Variants in DNAH3 observed in about 807,000 individuals in gnomAD.
DNAH3 encodes dynein axonemal heavy chain 3.
DNAH3 carries 332 observed loss-of-function variants against 432.5 expected under a neutral mutation model. The observed-to-expected ratio is 0.77, with a 90% CI of 0.70 to 0.84. The LOEUF is 0.84. Among genes scored for constraint, DNAH3 ranks in the 40% least tolerant of loss-of-function variants. The probability of loss-of-function intolerance (pLI) is 0.00; values close to 1 mark genes in which losing one functional copy is unlikely to be tolerated. For synonymous variants in DNAH3, 1,956 were observed against 1,900.2 expected (o/e 1.03, Z -0.76); for missense variants, 4,861 against 5,114.0 (o/e 0.95, Z 1.51).
exon 35 of DNAH3, chr16:21,036,729 T>C: frequency 6.2e-7 from 1 of 1,614,062 alleles, no homozygotes; most frequent in Non-Finnish European, 8.5e-7. Flanking sequence ...TAATTTTCCC[T>C]ATAAACCAAG....
At chr16:20,980,849 G>A (rs2085864026) in intron 49 of DNAH3, among the ~76,000 whole-genome samples, 1 of 152,102 alleles carries the variant, frequency 6.6e-6, no homozygotes, top group Non-Finnish European at 1.5e-5. Context: ...AACCTTTTCT[G>A]GAAAGGGTCA....
chr16:21,080,055 G>A (rs1243626485), intron 20 of DNAH3, among the ~76,000 whole-genome samples: 1 of 152,206 alleles, frequency 6.6e-6, no homozygotes, highest in Admixed American at 6.5e-5. Flanking sequence ...CCAGCACTTT[G>A]GGAGGCCGAG....
chr16:21,076,748 C>A (rs1324914396), intron 20 of DNAH3, among the ~76,000 whole-genome samples: 1 of 152,046 alleles, frequency 6.6e-6, no homozygotes, highest in East Asian at 1.9e-4. Flanking sequence ...ATAAAACTTA[C>A]CATTGTGCTA....
At chr16:20,960,976 C>T (rs1403560536) in intron 53 of DNAH3, among the ~76,000 whole-genome samples, 2 of 152,118 alleles carry the variant, frequency 1.3e-5, no homozygotes, top group African/African-American at 2.4e-5. Context: ...ACTGTTTGCA[C>T]ATGCAAAGTT....
At position 21,097,473 on chromosome 16, in the gene DNAH3, CA is replaced by C; in HGVS notation, c.2546del (p.Leu849TrpfsTer15). On this transcript the variant is annotated frameshift_variant, in exon 18 of 62. Transcript: ENST00000261383. LOFTEE classifies it high-confidence loss of function. ...GAGGGTAAGTACTCTTCTCCTTTTC[CA>C]ATAGCTCTTCCTCCTTATTGATCAA... The C allele has an allele frequency of 6.2e-7, 1 of 1,613,784 alleles. No individual in the cohort carries two copies. Among genetic ancestry groups the C allele is most frequent in the Non-Finnish European group, 8.5e-7 (1 of 1,179,900 alleles).
rs145116590 is a variant in DNAH3, at chr16:21,157,915, TG to T, written c.117+1409del. Among the ~76,000 whole-genome samples, 112 of 146,542 alleles carry T rather than the reference TG, an allele frequency of 7.6e-4. 1 individual carries two copies. Among genetic ancestry groups the T allele is most frequent in the Admixed American group, 1.4e-3 (21 of 14,698 alleles). ...CAATATTTTGAGACACAACTGGAGGTGGGGGGGGGCGGTTCTTGTAACTGGC... is the reference window on the plus strand; with the variant it reads ...CAATATTTTGAGACACAACTGGAGGTGGGGGGGGCGGTTCTTGTAACTGGC... On this transcript the variant is annotated intron_variant, in intron 1 of 61. Coordinates refer to ENST00000261383, the Ensembl canonical transcript of DNAH3.
At position 21,037,820 on chromosome 16, in the gene DNAH3, G is replaced by A. The variant is rs140821281; in HGVS notation, c.4891C>T (p.Arg1631Trp). The change falls in exon 34 of 62, where the codon CGG becomes TGG. Residue 1631 changes from arginine (R) to tryptophan (W), a missense_variant. Coordinates refer to ENST00000261383, the Ensembl canonical transcript of DNAH3. Reference sequence around the variant, plus strand: ...GCCAGATTGACATCAAGCAATGCCCGGAGCAGCAGGACACTTTCATTCTCC... The same window carrying A: ...GCCAGATTGACATCAAGCAATGCCCAGAGCAGCAGGACACTTTCATTCTCC... 509 of 1,614,036 alleles carry A rather than the reference G, an allele frequency of 3.2e-4. 3 individuals are homozygous for A. The highest frequency in any genetic ancestry group is 1.9e-3 in the South Asian group (172 of 91,088).
chr16:20,956,350 C>G (rs2084565859), intron 54 of DNAH3, among the ~76,000 whole-genome samples: 1 of 152,176 alleles, frequency 6.6e-6, no homozygotes, highest in African/African-American at 2.4e-5. Flanking sequence ...TAAACAGTGA[C>G]CGCTCTCCTT....
chr16:20,951,649 C>T (rs767695631), intron 56 of DNAH3, among the ~76,000 whole-genome samples: 13 of 151,194 alleles, frequency 8.6e-5, no homozygotes, highest in South Asian at 2.1e-4. Flanking sequence ...TTGCCCCAGC[C>T]GGTCTTAAAC....
At position 21,086,926 on chromosome 16, in the gene DNAH3, T is replaced by A. The variant is rs781521882; in HGVS notation, c.2800A>T (p.Ile934Phe). The change falls in exon 19 of 62, where the codon ATC (isoleucine) becomes TTC (phenylalanine). Residue 934 changes from isoleucine to phenylalanine, a missense_variant. Coordinates refer to ENST00000261383, the Ensembl canonical transcript of DNAH3. ...GGAATGTACTGCTTGAACTTATCGA[T>A]CTTGATCTTCACATTCTCTGCTAAG... The A allele has an allele frequency of 4.3e-6, 7 of 1,614,200 alleles. No individual in the cohort carries two copies. The East Asian group carries it at 1.1e-4, about 26-fold the overall frequency.
At chr16:21,127,567 A>C (rs1006667166) in intron 8 of DNAH3, 120 bp downstream of exon 9, 1 of 1,283,432 alleles carries the variant, frequency 7.8e-7, no homozygotes, top group African/African-American at 1.5e-5. Flanking sequence ...TCTCAAAAAA[A>C]AAAAAGACAC....
At chr16:21,084,567 T>C (rs1195621855) in intron 19 of DNAH3, among the ~76,000 whole-genome samples, 4 of 152,068 alleles carry the variant, frequency 2.6e-5, no homozygotes, top group African/African-American at 9.7e-5. Context: ...AGCGATCCAC[T>C]TGCCTCGGCC....
Position 20,933,462 on chromosome 16 carries a change from C to G in DNAH3, c.12043G>C (p.Ala4015Pro). The change falls in exon 62 of 62, where the codon GCC (alanine) becomes CCC (proline). Residue 4015 changes from alanine (A) to proline (P), a missense_variant. Coordinates refer to ENST00000261383, the Ensembl canonical transcript of DNAH3. ...TCTAAGAAGAGCCCTTTGATGTAGG[C>G]CCCATCTTCGGGGTTATTCTCCATC... The G allele has an allele frequency of 6.2e-7, 1 of 1,612,226 alleles. No homozygotes were observed.
Position 21,156,996 on chromosome 16 carries a change from A to AACACACACACACACACACACACACACAC in DNAH3, c.117+2301_117+2328dup, listed in dbSNP as rs34199213. ...TGATTGGAAGGCTGTAATCTAAGGA[A>AACACACACACACACACACACACACACAC]ACACACACACACACACACACACACA... On this transcript the variant is annotated intron_variant, in intron 1 of 61. Coordinates refer to ENST00000261383, the Ensembl canonical transcript of DNAH3. 7.8e-4 allele frequency among the ~76,000 whole-genome samples: 115 copies of AACACACACACACACACACACACACACAC among 147,514 alleles called. 2 individuals carry two copies. Among genetic ancestry groups the AACACACACACACACACACACACACACAC allele is most frequent in the Middle Eastern group, 3.4e-3 (1 of 294 alleles).
chr16:21,109,462 A>G (rs946050288), intron 14 of DNAH3, among the ~76,000 whole-genome samples: 4 of 152,200 alleles, frequency 2.6e-5, no homozygotes, highest in African/African-American at 9.7e-5. Context: ...CACTAGTATT[A>G]TTATTAATTT....
chr16:20,985,862 T>C (rs751452307), intron 47 of DNAH3, 147 bp from the exon 48 acceptor site: 4 of 864,548 alleles, frequency 4.6e-6, no homozygotes, highest in Non-Finnish European at 7.1e-6. Context: ...TTGTTTTGTT[T>C]CGTTTTGTTT....
chr16:20,985,849 G>T, intron 47 of DNAH3, 134 bp from the exon 48 acceptor site: 2 of 903,896 alleles, frequency 2.2e-6, no homozygotes, highest in Non-Finnish European at 3.4e-6. Flanking sequence ...TGGGTCATCA[G>T]TTTTGTTTTG....
chr16:21,105,747 G>C (rs916785201), intron 15 of DNAH3, among the ~76,000 whole-genome samples: 5 of 152,094 alleles, frequency 3.3e-5, no homozygotes, highest in Admixed American at 3.3e-4. Flanking sequence ...CTGGATGACA[G>C]AGCAAGACTC....
In DNAH3 at chr16:20,987,406, G is replaced by C. The variant is rs143440346; in HGVS notation, c.6925C>G (p.Arg2309Gly). ...TCAATCAGACGATCATAGAAGACCC[G>C]ATAAACCTCATGGATCCAAAGCCGG... The change falls in exon 47 of 62, where the codon CGG becomes GGG. Residue 2309 changes from arginine to glycine, a missense_variant. Physicochemically the swap from Arg to Gly is moderately radical, Grantham distance 125 (BLOSUM62 -2). Transcript: ENST00000261383. 3 of 1,614,140 alleles carry C rather than the reference G, an allele frequency of 1.9e-6. No homozygotes were observed. The African/African-American group carries it at 4.0e-5, about 22-fold the overall frequency.
Sources: gnomAD v4.1 joint callset for allele counts (sites outside exome capture counted in the v4.1 genomes callset) on GRCh38, gnomAD v4.1.1 for gene constraint, MANE v1.5 for transcripts, NCBI Gene and HGNC (gene_info 2026-07-23, HGNC 2026-07-21) for gene names.